CRYBG1: variants seen among roughly 807,000 people sequenced by gnomAD.
CRYBG1 encodes beta/gamma crystallin domain-containing protein 1.
A neutral mutation model predicts 189.2 loss-of-function variants in CRYBG1; 139 were observed. That is an observed-to-expected ratio of 0.73 (90% confidence interval 0.64 to 0.85). The LOEUF is 0.85. CRYBG1 is among the 40% of genes least tolerant of loss of function. The pLI is 0.00. For missense variants in CRYBG1, 2,611 were observed against 2,675.8 expected (o/e 0.98, Z 0.53); for synonymous variants, 1,023 against 1,017.1 (o/e 1.01, Z -0.11).
chr6:106,462,724 T>A (rs1280321928), intron 2 of CRYBG1, among the ~76,000 whole-genome samples: 1 of 152,228 alleles, frequency 6.6e-6, no homozygotes, highest in East Asian at 1.9e-4. Flanking sequence ...AGTGGAATAA[T>A]TAGTTTAAGA....
chr6:106,461,988 A>G (rs1475290941), intron 2 of CRYBG1, among the ~76,000 whole-genome samples: 1 of 152,116 alleles, frequency 6.6e-6, no homozygotes, highest in African/African-American at 2.4e-5. Context: ...TTTGTCCAAT[A>G]TTTCTTTAGT....
intron 1 of CRYBG1, among the ~76,000 whole-genome samples, chr6:106,439,539 T>C (rs917749015): frequency 2.0e-5 from 3 of 152,218 alleles, no homozygotes; most frequent in African/African-American, 4.8e-5. Context: ...AAAAATCTCC[T>C]GTGAGCAGAG....
chr6:106,373,018 G>T (rs1227126488), intron 1 of CRYBG1, among the ~76,000 whole-genome samples: 1 of 152,186 alleles, frequency 6.6e-6, no homozygotes, highest in Non-Finnish European at 1.5e-5. Context: ...GGCTGTGTGT[G>T]TGTGTACAGG....
At chr6:106,387,952 C>G (rs1205729053) in intron 1 of CRYBG1, among the ~76,000 whole-genome samples, 1 of 152,106 alleles carries the variant, frequency 6.6e-6, no homozygotes, top group African/African-American at 2.4e-5. Flanking sequence ...ATTTCAGGTC[C>G]TGTCTGCTAC....
At chr6:106,481,140 AT>A (rs1295496455) in intron 2 of CRYBG1, among the ~76,000 whole-genome samples, 1 of 103,376 alleles carries the variant, frequency 9.7e-6, no homozygotes, top group African/African-American at 4.1e-5. Flanking sequence ...CGCCCGGCTA[AT>A]TTTTTTGTAT....
chr6:106,458,381 C>G (rs1258493543), intron 2 of CRYBG1, among the ~76,000 whole-genome samples: 1 of 152,164 alleles, frequency 6.6e-6, no homozygotes, highest in Non-Finnish European at 1.5e-5. Context: ...AGATCCTGCT[C>G]AAACAGCTCC....
chr6:106,494,212 A>G (rs9486369), intron 2 of CRYBG1, among the ~76,000 whole-genome samples: 114,618 of 151,462 alleles, frequency 0.76, 43,655 homozygotes, highest in African/African-American at 0.81. Flanking sequence ...TGGTTGCCAG[A>G]GGCTGGGGGT....
At chr6:106,451,328 T>C (rs1771777698) in intron 1 of CRYBG1, among the ~76,000 whole-genome samples, 1 of 152,230 alleles carries the variant, frequency 6.6e-6, no homozygotes, top group African/African-American at 2.4e-5. Flanking sequence ...TACAAATTTC[T>C]TTTTGTTATT....
In CRYBG1 at chr6:106,392,745, G is replaced by T. The variant is rs571727120; in HGVS notation, c.173+31664G>T. 2.7e-5 allele frequency among the ~76,000 whole-genome samples: 4 copies of T among 150,634 alleles called. No individual in the cohort carries two copies. The Admixed American group carries it at 2.7e-4, about 10-fold the overall frequency. ...AGGACAGCCGTGCTAAGAACTGTTC[G>T]AATTTTTGGTTATTTAAAAGAGAAA... On this transcript the variant is annotated intron_variant, in intron 1 of 21. Coordinates refer to ENST00000633556, the MANE Select transcript of CRYBG1 (RefSeq NM_001371242.2).
chr6:106,500,558 GATA>G (rs1253781018), intron 2 of CRYBG1, among the ~76,000 whole-genome samples: 1 of 151,828 alleles, frequency 6.6e-6, no homozygotes, highest in Middle Eastern at 3.2e-3. Flanking sequence ...GTATATTTTG[GATA>G]TTAATCCCTT....
chr6:106,491,522 G>A (rs917437898), intron 2 of CRYBG1, among the ~76,000 whole-genome samples: 13 of 152,080 alleles, frequency 8.5e-5, no homozygotes, highest in African/African-American at 3.1e-4. Flanking sequence ...CATGACCCAA[G>A]CTGGACTCCC....
intron 2 of CRYBG1, among the ~76,000 whole-genome samples, chr6:106,487,203 A>G (rs1261955721): frequency 4.6e-5 from 7 of 151,874 alleles, no homozygotes; most frequent in African/African-American, 1.5e-4. Flanking sequence ...CTCCTCCCCA[A>G]CCTTTTTGCA....
At chr6:106,514,390 AG>A (rs546043244) in intron 3 of CRYBG1, among the ~76,000 whole-genome samples, 50 of 152,212 alleles carry the variant, frequency 3.3e-4, no homozygotes, top group Non-Finnish European at 6.2e-4. Flanking sequence ...TTCTTGGATA[AG>A]TAAGCTTAAG....
At chr6:106,476,216 A>G (rs565665462) in intron 2 of CRYBG1, among the ~76,000 whole-genome samples, 1 of 152,320 alleles carries the variant, frequency 6.6e-6, no homozygotes, top group Admixed American at 6.5e-5. Context: ...AGCCCCAGGT[A>G]ACAAGAACAT....
At position 106,569,043 on chromosome 6, in the gene CRYBG1, G is replaced by GTAAT; in HGVS notation, c.*479_*482dup. Reference sequence around the variant, plus strand: ...TGAGAAGAAATACTTTATTAGGCCTGTAATTTTGGTTCTTGGCCTTAAACA... The same window carrying GTAAT: ...TGAGAAGAAATACTTTATTAGGCCTGTAATTAATTTTGGTTCTTGGCCTTAAACA... On this transcript the variant is annotated 3_prime_UTR_variant, in exon 22 of 22. Transcript: ENST00000633556. The GTAAT allele has an allele frequency of 6.5e-6, 1 of 153,908 alleles. No homozygotes were observed. The highest frequency in any genetic ancestry group is 1.4e-5 in the Non-Finnish European group (1 of 69,192). 9.5% of individuals were successfully genotyped at this position (153,908 alleles called of 1,614,324 possible).
At chr6:106,362,161 G>A (rs1252537031) in intron 1 of CRYBG1, among the ~76,000 whole-genome samples, 7 of 150,938 alleles carry the variant, frequency 4.6e-5, no homozygotes, top group African/African-American at 1.7e-4. Flanking sequence ...AGTAGAAACG[G>A]GGTTTCACCG....
At chr6:106,473,907 T>C (rs1266902798) in intron 2 of CRYBG1, among the ~76,000 whole-genome samples, 3 of 152,220 alleles carry the variant, frequency 2.0e-5, no homozygotes, top group Admixed American at 2.0e-4. Context: ...TAAACATGTA[T>C]TTACTTACTC....
Position 106,544,774 on chromosome 6 carries a change from T to C in CRYBG1, c.5167-14T>C, listed in dbSNP as rs770688549. ...ATGGCTAGCCTTTGAATTTTGAATTTTTTTTCTCAATAGGATTTTTCAAAT... is the reference window on the plus strand; with the variant it reads ...ATGGCTAGCCTTTGAATTTTGAATTCTTTTTCTCAATAGGATTTTTCAAAT... On this transcript the variant is annotated splice_polypyrimidine_tract_variant and intron_variant, in intron 12 of 21. Coordinates refer to ENST00000633556, the MANE Select transcript of CRYBG1 (RefSeq NM_001371242.2). 5.0e-6 allele frequency: 8 copies of C among 1,601,578 alleles called. No homozygotes were observed. The Admixed American group carries it at 1.1e-4, about 21-fold the overall frequency.
chr6:106,394,055 G>A (rs777316851), intron 1 of CRYBG1, among the ~76,000 whole-genome samples: 1 of 152,074 alleles, frequency 6.6e-6, no homozygotes, highest in Non-Finnish European at 1.5e-5. Context: ...AGGGTATACG[G>A]CCAATACTGG....
Sources: allele counts gnomAD v4.1 joint callset (sites outside exome capture counted in the v4.1 genomes callset), GRCh38; gene constraint gnomAD v4.1.1; transcripts MANE v1.5; gene names NCBI Gene and HGNC (gene_info 2026-07-23, HGNC 2026-07-21).